CCDC141: variants seen among roughly 807,000 people sequenced by gnomAD.
CCDC141 encodes coiled-coil domain containing 141.
In CCDC141, 168 loss-of-function variants were observed where a neutral mutation model predicts 181.0. The observed-to-expected ratio is 0.93, with a 90% confidence interval of 0.82 to 1.05. CCDC141 has a LOEUF of 1.05. CCDC141 is among the 50% of genes least tolerant of loss of function. The pLI, the probability that CCDC141 is intolerant of heterozygous loss-of-function variation, is 0.00. For missense variants in CCDC141, 1,902 were observed against 1,788.5 expected (o/e 1.06, Z -1.14); for synonymous variants, 666 against 642.3 (o/e 1.04, Z -0.56).
intron 2 of CCDC141, among the ~76,000 whole-genome samples, chr2:179,041,094 CAG>C: frequency 6.6e-6 from 1 of 151,360 alleles, no homozygotes; most frequent in Non-Finnish European, 1.5e-5. Context: ...TTTGTTGAGA[CAG>C]AGTCTCACTC....
chr2:178,921,143 A>G (rs1688671477), intron 6 of CCDC141, among the ~76,000 whole-genome samples: 1 of 152,220 alleles, frequency 6.6e-6, no homozygotes, highest in South Asian at 2.1e-4. Context: ...ACTCTTAAGC[A>G]TGGATATGGG....
chr2:179,013,241 T>C (rs775986483), intron 2 of CCDC141, among the ~76,000 whole-genome samples: 1 of 152,150 alleles, frequency 6.6e-6, no homozygotes, highest in Non-Finnish European at 1.5e-5. Context: ...AGAAAGCTCC[T>C]AGAACTGATA....
chr2:178,866,762 G>C (rs1318874910), intron 16 of CCDC141, among the ~76,000 whole-genome samples: 1 of 151,972 alleles, frequency 6.6e-6, no homozygotes, highest in African/African-American at 2.4e-5. Context: ...TATTTACTCT[G>C]TCGCCCAGGC....
chr2:178,993,450 T>C (rs946106167), intron 2 of CCDC141, among the ~76,000 whole-genome samples: 1 of 152,136 alleles, frequency 6.6e-6, no homozygotes, highest in African/African-American at 2.4e-5. Context: ...TCAGATCTCA[T>C]GAGACTTATT....
downstream of CCDC141, among the ~76,000 whole-genome samples, chr2:178,825,671 A>T (rs1202410961): frequency 7.9e-6 from 1 of 126,864 alleles, no homozygotes; most frequent in Non-Finnish European, 1.6e-5. Flanking sequence ...AGCAAGTGTG[A>T]CATGTCGCAA....
At chr2:179,036,389 C>G (rs1009990581) in intron 2 of CCDC141, among the ~76,000 whole-genome samples, 1 of 152,196 alleles carries the variant, frequency 6.6e-6, no homozygotes, top group African/African-American at 2.4e-5. Flanking sequence ...ACCGTAGACT[C>G]TCTTAAATCA....
At position 179,049,757 on chromosome 2, in the gene CCDC141, G is replaced by A. The variant is rs79612017; in HGVS notation, c.102+83C>T. The A allele has an allele frequency of 1.4e-3, 2,085 of 1,443,090 alleles. 19 individuals carry two copies. In the African/African-American group the frequency reaches 0.025, roughly 17 times the overall value. 89.4% of individuals were successfully genotyped at this position (1,443,090 alleles called of 1,614,324 possible). A position where few individuals can be genotyped will look rare whatever the true frequency, so the allele number is the denominator to read the frequency against. On this transcript the variant is annotated intron_variant, in intron 1 of 23. Coordinates refer to ENST00000443758, the MANE Select transcript of CCDC141 (RefSeq NM_173648.4). ...TGTCTTCTCTATGCTGTGTCCTGCC[G>A]ATTGCATGGAATGTTCTTTAGGGTT...
At chr2:178,818,685 G>C in the CCDC141 span, among the ~76,000 whole-genome samples, 1 of 152,116 alleles carries the variant, frequency 6.6e-6, no homozygotes, top group Non-Finnish European at 1.5e-5. Context: ...TCATTGATGG[G>C]TGTTTGGGTT....
chr2:179,024,349 A>G (rs754891484), intron 2 of CCDC141, among the ~76,000 whole-genome samples: 38 of 152,224 alleles, frequency 2.5e-4, no homozygotes, highest in Non-Finnish European at 4.8e-4. Context: ...TTGTTATTAC[A>G]CAGAGATGAA....
At chr2:178,957,459 A>G (rs1690209354) in intron 5 of CCDC141, among the ~76,000 whole-genome samples, 1 of 152,234 alleles carries the variant, frequency 6.6e-6, no homozygotes, top group Non-Finnish European at 1.5e-5. Context: ...ACGCTCATTC[A>G]TTGCTGGTGA....
intron 12 of CCDC141, 132 bp downstream of exon 12, chr2:178,877,832 G>A: frequency 1.2e-6 from 1 of 853,878 alleles, no homozygotes; most frequent in Non-Finnish European, 2.0e-6. Flanking sequence ...GACTGGTCTA[G>A]GTTGAATGAA....
At chr2:178,993,912 C>A (rs183429127) in intron 2 of CCDC141, among the ~76,000 whole-genome samples, 3 of 152,234 alleles carry the variant, frequency 2.0e-5, no homozygotes, top group Admixed American at 6.5e-5. Context: ...TCAAAATGAT[C>A]TTTTTTGACT....
intron 2 of CCDC141, among the ~76,000 whole-genome samples, chr2:179,003,348 C>T (rs1452834486): frequency 6.6e-6 from 1 of 152,154 alleles, no homozygotes; most frequent in Non-Finnish European, 1.5e-5. Context: ...GATTAAGAAC[C>T]AGACCCTGGA....
chr2:179,017,956 A>G lies in CCDC141; in HGVS notation c.225+29328T>C, dbSNP rs537239122. On this transcript the variant is annotated intron_variant, in intron 2 of 23. Coordinates refer to ENST00000443758, the MANE Select transcript of CCDC141 (RefSeq NM_173648.4). ...CTTGCTTAGTCATTAAACTAAGGAA[A>G]ATATTTTGGAATTGGATCTGAGAAA... Among the ~76,000 whole-genome samples the G allele has an allele frequency of 7.4e-4, 113 of 152,270 alleles. 1 individual carries two copies. Among genetic ancestry groups the G allele is most frequent in the Non-Finnish European group, 1.3e-3 (88 of 68,008 alleles).
the CCDC141 span, among the ~76,000 whole-genome samples, chr2:178,817,277 G>A: frequency 1.3e-5 from 2 of 151,862 alleles, no homozygotes; most frequent in African/African-American, 4.8e-5. Flanking sequence ...TGTGCCACAT[G>A]TTTATTTCTT....
rs113246626 is a variant in CCDC141 at position 179,022,004 on chromosome 2, G to A, written c.225+25280C>T. 2.2e-4 allele frequency among the ~76,000 whole-genome samples: 34 copies of A among 152,154 alleles called. 1 individual carries two copies. Among genetic ancestry groups the A allele is most frequent in the East Asian group, 7.7e-4 (4 of 5,190 alleles). On this transcript the variant is annotated intron_variant, in intron 2 of 23. Transcript: ENST00000443758. ...CTACAACATTAATTCTTATAAATGC[G>A]TCTCCTTAATTTTTTCTTTTTGGAT...
chr2:178,931,272 T>A (rs1689086065), intron 6 of CCDC141, among the ~76,000 whole-genome samples: 1 of 152,150 alleles, frequency 6.6e-6, no homozygotes, highest in African/African-American at 2.4e-5. Context: ...AGTAACTTCT[T>A]GTAAGTTAAG....
chr2:178,981,136 A>G (rs1467700473), intron 2 of CCDC141, among the ~76,000 whole-genome samples: 1 of 152,220 alleles, frequency 6.6e-6, no homozygotes, highest in Non-Finnish European at 1.5e-5. Flanking sequence ...AGAAATAGAT[A>G]AATATACTAT....
intron 4 of CCDC141, 88 bp from the exon 5 acceptor site, chr2:178,961,571 T>G: frequency 1.9e-6 from 2 of 1,057,320 alleles, no homozygotes; most frequent in Non-Finnish European, 2.7e-6. Flanking sequence ...TTAAAATATA[T>G]GTAATTTTTA....
Sources: gnomAD v4.1 joint callset for allele counts (sites outside exome capture counted in the v4.1 genomes callset) on GRCh38, gnomAD v4.1.1 for gene constraint, MANE v1.5 for transcripts, NCBI Gene and HGNC (gene_info 2026-07-23, HGNC 2026-07-21) for gene names.